Variants in ARPP21 observed in about 807,000 individuals in gnomAD.
The protein encoded by ARPP21 is cAMP regulated phosphoprotein 21.
In ARPP21, 69 loss-of-function variants were observed where a neutral mutation model predicts 113.2. That is an observed-to-expected ratio of 0.61 (90% CI 0.50 to 0.74). The LOEUF is 0.74. Among genes scored for constraint, ARPP21 ranks in the 30% least tolerant of loss-of-function variants. The probability of loss-of-function intolerance (pLI) is 0.00; values close to 1 mark genes in which losing one functional copy is unlikely to be tolerated. For missense variants in ARPP21, 1,070 were observed against 1,037.4 expected (o/e 1.03, Z -0.43); for synonymous variants, 368 against 375.5 (o/e 0.98, Z 0.23).
chr3:35,776,759 A>C (rs2096382003), intron 19 of ARPP21, among the ~76,000 whole-genome samples: 1 of 152,078 alleles, frequency 6.6e-6, no homozygotes, highest in African/African-American at 2.4e-5. Flanking sequence ...CTAACTAAGG[A>C]ATACAGCAGA....
At chr3:35,718,398 T>A (rs2092696529) in intron 13 of ARPP21, among the ~76,000 whole-genome samples, 1 of 152,192 alleles carries the variant, frequency 6.6e-6, no homozygotes, top group African/African-American at 2.4e-5. Context: ...TTGCACTTCT[T>A]TTGAAAACTC....
At chr3:35,646,186 T>C (rs944641385) in intron 1 of ARPP21, among the ~76,000 whole-genome samples, 7 of 152,080 alleles carry the variant, frequency 4.6e-5, no homozygotes, top group Admixed American at 4.6e-4. Context: ...CTCCTCGTAA[T>C]TGTTTAAATT....
Position 35,737,114 on chromosome 3 carries a change from T to G in ARPP21, c.1460-64T>G. The stretch of plus-strand genomic sequence containing the variant: ...GTTACTTTTTGAGTATCTAACAGAG[T>G]GGTTCTTCATGTCAAAGGAGAGATT... On this transcript the variant is annotated intron_variant, in intron 15 of 20. Transcript: ENST00000684406. The G allele has an allele frequency of 6.4e-6, 6 of 936,974 alleles. No homozygotes were observed. In the South Asian group the frequency reaches 9.2e-5, roughly 14 times the overall value. 58.0% of individuals were successfully genotyped at this position (936,974 alleles called of 1,614,324 possible).
intron 15 of ARPP21, among the ~76,000 whole-genome samples, chr3:35,730,688 G>A (rs1461724951): frequency 6.6e-6 from 1 of 152,186 alleles, no homozygotes; most frequent in Non-Finnish European, 1.5e-5. Context: ...AACTGGATAA[G>A]TATCTCATAA....
intron 5 of ARPP21, chr3:35,685,334 G>T (rs1474306140): frequency 3.0e-6 from 3 of 985,270 alleles, no homozygotes; most frequent in Non-Finnish European, 3.6e-6. Context: ...TAGCTTTGTA[G>T]GAGAGAATGA....
At chr3:35,692,879 A>T (rs2082652864) in intron 9 of ARPP21, among the ~76,000 whole-genome samples, 1 of 151,728 alleles carries the variant, frequency 6.6e-6, no homozygotes, top group South Asian at 2.1e-4. Flanking sequence ...GATATGGAAC[A>T]CTGATATGAT....
intron 7 of ARPP21, among the ~76,000 whole-genome samples, 181 bp downstream of exon 7, chr3:35,689,566 T>G (rs781406479): frequency 2.0e-5 from 3 of 151,564 alleles, no homozygotes; most frequent in Admixed American, 6.6e-5. Context: ...TTATAGAGAG[T>G]CTTAGTAACT....
chr3:35,682,812 T>C (rs746714825), intron 3 of ARPP21, 36 bp from the exon 4 acceptor site: 65 of 1,584,436 alleles, frequency 4.1e-5, no homozygotes, highest in Non-Finnish European at 7.7e-6. Context: ...TTGTTTGTTT[T>C]ATTTTATTTT....
chr3:35,744,174 G>A (rs2094861570), intron 19 of ARPP21, among the ~76,000 whole-genome samples: 2 of 152,222 alleles, frequency 1.3e-5, no homozygotes, highest in African/African-American at 2.4e-5. Context: ...TCCCTGGCAT[G>A]CATGTTAAAC....
chr3:35,708,936 G>A, intron 10 of ARPP21, 33 bp from the exon 11 acceptor site: 1 of 1,493,832 alleles, frequency 6.7e-7, no homozygotes, highest in Non-Finnish European at 9.3e-7. Context: ...AACGCAACTT[G>A]GATAACCCTC....
chr3:35,640,896 G>A (rs1251825502), intron 1 of ARPP21: 1 of 152,148 alleles, frequency 6.6e-6, no homozygotes, highest in East Asian at 1.9e-4. Flanking sequence ...TTGTAGATAT[G>A]GTGGTAGAAT....
Position 35,738,334 on chromosome 3 carries a change from T to C in ARPP21, c.1749+16T>C. On this transcript the variant is annotated intron_variant, in intron 17 of 20. Coordinates refer to ENST00000684406, the MANE Select transcript of ARPP21 (RefSeq NM_001385562.1). The stretch of plus-strand genomic sequence containing the variant: ...CTTTCCCATGGTACTGTATTATGTG[T>C]ATATGACTTTTTCCCCTAGGAAAGC... 4 of 1,504,152 alleles carry C rather than the reference T, an allele frequency of 2.7e-6. No homozygotes were observed. Among genetic ancestry groups the C allele is most frequent in the Non-Finnish European group, 3.6e-6 (4 of 1,118,278 alleles). 93.2% of individuals were successfully genotyped at this position (1,504,152 alleles called of 1,614,324 possible). A position where few individuals can be genotyped will look rare whatever the true frequency, so the allele number is the denominator to read the frequency against.
At position 35,743,828 on chromosome 3, in the gene ARPP21, T is replaced by A. The variant is rs1254412181; in HGVS notation, c.2011-11T>A. The A allele has an allele frequency of 6.2e-7, 1 of 1,612,750 alleles. No homozygotes were observed. Among genetic ancestry groups the A allele is most frequent in the African/African-American group, 1.3e-5 (1 of 75,032 alleles). On this transcript the variant is annotated splice_polypyrimidine_tract_variant and intron_variant, in intron 18 of 20. Coordinates refer to ENST00000684406, the MANE Select transcript of ARPP21 (RefSeq NM_001385562.1). ...TTTCATTCTCTGCTTTCTTCCTCCT[T>A]TCTTCCACAGATGCCTGTATATTAT... is the stretch of plus-strand genomic sequence containing the variant.
chr3:35,714,346 A>G (rs1047436608), intron 11 of ARPP21, among the ~76,000 whole-genome samples: 6 of 152,220 alleles, frequency 3.9e-5, no homozygotes, highest in Admixed American at 2.6e-4. Flanking sequence ...ATGAACATAG[A>G]AACCAATATT....
At chr3:35,677,442 A>G (rs2077802155) in intron 1 of ARPP21, among the ~76,000 whole-genome samples, 2 of 151,902 alleles carry the variant, frequency 1.3e-5, no homozygotes, top group Admixed American at 1.3e-4. Context: ...CTCTAAACTA[A>G]AGAAATAAGA....
chr3:35,712,848 T>G (rs1559710601), intron 11 of ARPP21, among the ~76,000 whole-genome samples: 1 of 152,220 alleles, frequency 6.6e-6, no homozygotes, highest in Non-Finnish European at 1.5e-5. Context: ...TTTAGGCTTA[T>G]TTTATGGTTA....
At chr3:35,651,017 C>G (rs1302548967) in intron 1 of ARPP21, among the ~76,000 whole-genome samples, 1 of 151,840 alleles carries the variant, frequency 6.6e-6, no homozygotes, top group Non-Finnish European at 1.5e-5. Context: ...AGAAAGGAAA[C>G]AGGAAAATTA....
chr3:35,729,409 C>T lies in ARPP21; in HGVS notation c.1332C>T (p.Gly444=), dbSNP rs758501995. Residue 444 remains glycine, a synonymous_variant, in exon 15 of 21, where the codon GGC becomes GGT. Coordinates refer to ENST00000684406, the MANE Select transcript of ARPP21 (RefSeq NM_001385562.1). The part of the protein sequence containing the change: ...LVSGVAAGSP[G]CVPYPENGIG... ...CAGGTGTGGCAGCTGGCTCTCCAGG[C>T]TGTGTGCCTTATCCAGAGAATGGAA... is the stretch of plus-strand genomic sequence containing the variant. 2.5e-6 allele frequency: 4 copies of T among 1,614,034 alleles called. No homozygotes were observed. The highest frequency in any genetic ancestry group is 3.4e-6 in the Non-Finnish European group (4 of 1,180,040).
intron 5 of ARPP21, chr3:35,684,706 C>T: frequency 1.0e-6 from 1 of 984,356 alleles, no homozygotes. Flanking sequence ...AATTGAAATA[C>T]TCTGAATTCC....
Sources: allele counts gnomAD v4.1 joint callset (sites outside exome capture counted in the v4.1 genomes callset), GRCh38; gene constraint gnomAD v4.1.1; transcripts MANE v1.5; gene names NCBI Gene and HGNC (gene_info 2026-07-23, HGNC 2026-07-21).